The following RBFOX1 variants were observed in gnomAD, a reference collection of about 807,000 sequenced individuals.
RBFOX1 encodes the protein RNA binding protein fox-1 homolog 1.
A neutral mutation model predicts 57.7 loss-of-function variants in RBFOX1; 8 were observed. The observed-to-expected ratio is 0.14, with a 90% confidence interval of 0.08 to 0.25. The LOEUF is 0.25. Ranked by LOEUF, RBFOX1 falls within the 10% of genes least tolerant of loss-of-function variation. The pLI, the probability that RBFOX1 is intolerant of heterozygous loss-of-function variation, is 1.00. For synonymous variants in RBFOX1, 326 were observed against 222.4 expected, an observed-to-expected ratio of 1.47 and a Z score of -4.15; for missense variants, 611 against 548.5, an observed-to-expected ratio of 1.11 and a Z score of -1.14.
At chr16:7,032,403 G>C (rs748126653) in intron 3 of RBFOX1, among the ~76,000 whole-genome samples, 12 of 151,956 alleles carry the variant, frequency 7.9e-5, no homozygotes, top group Non-Finnish European at 1.8e-4. Context: ...TGAGATCCCA[G>C]TGCACTCCAA....
At chr16:7,591,291 C>G (rs561933643) in intron 7 of RBFOX1, among the ~76,000 whole-genome samples, 1 of 152,148 alleles carries the variant, frequency 6.6e-6, no homozygotes, top group Non-Finnish European at 1.5e-5. Context: ...TCAACAGCTC[C>G]CCTCTTCTAA....
intron 3 of RBFOX1, among the ~76,000 whole-genome samples, chr16:6,883,751 C>T (rs758575999): frequency 3.3e-5 from 5 of 151,544 alleles, no homozygotes; most frequent in South Asian, 2.1e-4. Context: ...TTCTACAGTT[C>T]TTATAGATGT....
intron 4 of RBFOX1, among the ~76,000 whole-genome samples, chr16:7,227,672 G>C (rs573232329): frequency 6.0e-4 from 92 of 152,210 alleles, no homozygotes; most frequent in African/African-American, 2.1e-3. Flanking sequence ...TGAGTGGATG[G>C]GTCCTTCCAG....
chr16:7,219,683 C>T (rs2092570943), intron 4 of RBFOX1, among the ~76,000 whole-genome samples: 1 of 152,122 alleles, frequency 6.6e-6, no homozygotes, highest in African/African-American at 2.4e-5. Flanking sequence ...CCGTATAGAT[C>T]CCTGCTCTGA....
At chr16:5,359,393 T>C (rs532207817) in intron 1 of RBFOX1, among the ~76,000 whole-genome samples, 6 of 152,364 alleles carry the variant, frequency 3.9e-5, no homozygotes, top group Admixed American at 3.3e-4. Flanking sequence ...GCCTCCAAAC[T>C]GTTCTCCTCA....
At chr16:7,179,628 C>G (rs139815208) in intron 4 of RBFOX1, among the ~76,000 whole-genome samples, 1 of 152,020 alleles carries the variant, frequency 6.6e-6, no homozygotes, top group African/African-American at 2.4e-5. Flanking sequence ...AGGAAGCTGA[C>G]CACATAGGGG....
At chr16:6,672,646 C>T (rs951226667) in intron 3 of RBFOX1, among the ~76,000 whole-genome samples, 5 of 152,074 alleles carry the variant, frequency 3.3e-5, no homozygotes, top group African/African-American at 4.8e-5. Flanking sequence ...GATCCAGGTC[C>T]TGAAATGATT....
chr16:6,003,151 C>T (rs972548300), intron 4 of RBFOX1, among the ~76,000 whole-genome samples: 2 of 151,872 alleles, frequency 1.3e-5, no homozygotes, highest in Non-Finnish European at 2.9e-5. Flanking sequence ...TGGTGGCGGG[C>T]GGTTGTAGTC....
intron 1 of RBFOX1, among the ~76,000 whole-genome samples, chr16:5,370,462 C>CTTTTT (rs34715441): frequency 7.1e-6 from 1 of 141,192 alleles, no homozygotes; most frequent in Non-Finnish European, 1.5e-5. Context: ...GCCTCCTCCT[C>CTTTTT]TTTTTTTTTT....
intron 2 of RBFOX1, among the ~76,000 whole-genome samples, chr16:6,588,667 G>T (rs541249837): frequency 6.6e-6 from 1 of 152,234 alleles, no homozygotes; most frequent in East Asian, 1.9e-4. Context: ...CAAAAAATGA[G>T]AAATGCACCT....
intron 4 of RBFOX1, among the ~76,000 whole-genome samples, chr16:7,086,942 C>T (rs534260379): frequency 6.6e-6 from 1 of 152,232 alleles, no homozygotes; most frequent in South Asian, 2.1e-4. Context: ...TCCCTTTTCC[C>T]GGTCCACACC....
At chr16:6,899,236 C>T (rs2067842923) in intron 3 of RBFOX1, among the ~76,000 whole-genome samples, 1 of 151,314 alleles carries the variant, frequency 6.6e-6, no homozygotes, top group Admixed American at 6.6e-5. Flanking sequence ...GATGCGTGTC[C>T]ATGTGTATGT....
At chr16:6,371,674 G>C (rs564409447) in intron 2 of RBFOX1, among the ~76,000 whole-genome samples, 2 of 152,078 alleles carry the variant, frequency 1.3e-5, no homozygotes, top group South Asian at 4.1e-4. Flanking sequence ...GTGGTGTTTA[G>C]AAACAAAGTT....
intron 2 of RBFOX1, among the ~76,000 whole-genome samples, chr16:6,487,103 T>G (rs2095500105): frequency 6.6e-6 from 1 of 151,802 alleles, no homozygotes; most frequent in South Asian, 2.1e-4. Context: ...TAAATAAAGT[T>G]TCTATGAAAA....
chr16:6,320,160 G>A (rs998403342), intron 2 of RBFOX1, among the ~76,000 whole-genome samples: 2 of 152,124 alleles, frequency 1.3e-5, no homozygotes, highest in Non-Finnish European at 2.9e-5. Context: ...AAAAGATGGT[G>A]TATTAGCTGT....
intron 3 of RBFOX1, among the ~76,000 whole-genome samples, chr16:6,820,658 C>T (rs912276261): frequency 1.9e-4 from 26 of 138,498 alleles, no homozygotes; most frequent in African/African-American, 7.2e-4. Context: ...GACCCTGTCT[C>T]CAAAAAAAAA....
intron 4 of RBFOX1, among the ~76,000 whole-genome samples, chr16:5,930,443 A>T (rs1389110382): frequency 8.9e-4 from 30 of 33,760 alleles, no homozygotes; most frequent in Middle Eastern, 0.022. Flanking sequence ...CATGGATGGA[A>T]GCATGGTTGG....
At chr16:6,338,225 C>T (rs1257909297) in intron 2 of RBFOX1, among the ~76,000 whole-genome samples, 2 of 152,150 alleles carry the variant, frequency 1.3e-5, no homozygotes, top group Admixed American at 6.5e-5. Flanking sequence ...TACCTTCCCA[C>T]TGCAACACAC....
At chr16:6,316,231 G>C (rs1039999778) in intron 1 of RBFOX1, among the ~76,000 whole-genome samples, 2 of 152,064 alleles carry the variant, frequency 1.3e-5, no homozygotes, top group East Asian at 3.9e-4. Flanking sequence ...CAGAACTCTT[G>C]ATTTTTCTGG....
Sources: gnomAD v4.1 joint callset for allele counts (sites outside exome capture counted in the v4.1 genomes callset) on GRCh38, gnomAD v4.1.1 for gene constraint, MANE v1.5 for transcripts, NCBI Gene and HGNC (gene_info 2026-07-23, HGNC 2026-07-21) for gene names.